Variants in ARSJ observed in about 807,000 individuals in gnomAD.
The protein encoded by ARSJ is arylsulfatase family member J, also known as arylsulfatase J.
Under a neutral mutation model 35.9 loss-of-function variants are expected in ARSJ, and 26 were observed. That is an observed-to-expected ratio of 0.72 (90% CI 0.53 to 1.00). The LOEUF (loss-of-function observed/expected upper bound fraction) is 1.00. Among genes scored for constraint, ARSJ ranks in the 50% least tolerant of loss-of-function variants. The probability of loss-of-function intolerance (pLI) is 0.00; values close to 1 mark genes in which losing one functional copy is unlikely to be tolerated. For missense variants in ARSJ, 667 were observed against 723.6 expected (o/e 0.92, Z 0.90); for synonymous variants, 294 against 267.6 (o/e 1.10, Z -0.96).
chr4:113,911,030 A>T (rs1363054711), intron 1 of ARSJ, among the ~76,000 whole-genome samples: 1 of 152,182 alleles, frequency 6.6e-6, no homozygotes, highest in Non-Finnish European at 1.5e-5. Flanking sequence ...CAAGCAGCTG[A>T]AACGACTTGG....
chr4:113,905,971 T>C (rs936347134), intron 1 of ARSJ, among the ~76,000 whole-genome samples: 30 of 152,124 alleles, frequency 2.0e-4, no homozygotes, highest in African/African-American at 7.2e-4. Context: ...TAATTTTTGG[T>C]CCAGTCCAGG....
intron 1 of ARSJ, among the ~76,000 whole-genome samples, chr4:113,944,697 A>T (rs1725364564): frequency 6.6e-6 from 1 of 151,944 alleles, no homozygotes; most frequent in South Asian, 2.1e-4. Context: ...TAGGTGTAGA[A>T]GTTAAGTGGT....
chr4:113,924,074 T>TATATAA (rs1723881818), intron 1 of ARSJ, among the ~76,000 whole-genome samples: 1 of 109,310 alleles, frequency 9.1e-6, no homozygotes, highest in Non-Finnish European at 1.8e-5. Context: ...TAAATATATA[T>TATATAA]AAATATATAT....
chr4:113,945,928 A>T (rs1198760117), intron 1 of ARSJ, among the ~76,000 whole-genome samples: 2 of 152,092 alleles, frequency 1.3e-5, no homozygotes, highest in African/African-American at 4.8e-5. Context: ...GGGCTTAAAA[A>T]TGTCAGTTTG....
chr4:113,940,879 A>G (rs1344756920), intron 1 of ARSJ, among the ~76,000 whole-genome samples: 1 of 151,992 alleles, frequency 6.6e-6, no homozygotes. Context: ...ATATATGTTA[A>G]GGCAAATTAC....
intron 1 of ARSJ, among the ~76,000 whole-genome samples, chr4:113,961,054 A>C (rs1336069997): frequency 6.6e-6 from 1 of 152,078 alleles, no homozygotes; most frequent in Non-Finnish European, 1.5e-5. Context: ...GGTAACGTGA[A>C]CTGGGCAGCT....
chr4:113,928,790 C>T (rs757043358), intron 1 of ARSJ, among the ~76,000 whole-genome samples: 3 of 152,138 alleles, frequency 2.0e-5, no homozygotes, highest in Non-Finnish European at 4.4e-5. Context: ...GTGCTTCCCT[C>T]ACAAATCTGT....
chr4:113,903,679 A>C lies in ARSJ; in HGVS notation c.399-4T>G, dbSNP rs756329641. 1.9e-6 allele frequency: 3 copies of C among 1,589,464 alleles called. No individual in the cohort carries two copies. The highest frequency in any genetic ancestry group is 2.6e-6 in the Non-Finnish European group (3 of 1,164,884). On this transcript the variant is annotated splice_region_variant and splice_polypyrimidine_tract_variant and intron_variant, in intron 1 of 1. Coordinates refer to ENST00000315366, the MANE Select transcript of ARSJ (RefSeq NM_024590.4). Reference sequence around the variant, plus strand: ...AAGTCCGGTGTGTATCTGATACCTTAAGAAAAGAGAAAAAAATTGTTATCA... The same window carrying C: ...AAGTCCGGTGTGTATCTGATACCTTCAGAAAAGAGAAAAAAATTGTTATCA...
chr4:113,961,893 CTCTCTGTGTGTGTG>C (rs1346798552), intron 1 of ARSJ, among the ~76,000 whole-genome samples: 19 of 122,464 alleles, frequency 1.6e-4, no homozygotes, highest in Admixed American at 3.3e-4. Context: ...CTCTCTCTCT[CTCTCTGTGTGTGTG>C]TGTGTGTGTG....
chr4:113,971,416 A>AC (rs1727240779), intron 1 of ARSJ, among the ~76,000 whole-genome samples: 3 of 152,226 alleles, frequency 2.0e-5, no homozygotes, highest in Admixed American at 6.5e-5. Context: ...CTAAATAGGA[A>AC]TTCACTTCAA....
intron 1 of ARSJ, among the ~76,000 whole-genome samples, chr4:113,932,091 C>A (rs1724490396): frequency 6.6e-6 from 1 of 151,958 alleles, no homozygotes; most frequent in Non-Finnish European, 1.5e-5. Flanking sequence ...AAATAGACTA[C>A]AAATCAAAGA....
At chr4:113,931,390 C>T (rs1724438957) in intron 1 of ARSJ, among the ~76,000 whole-genome samples, 2 of 151,872 alleles carry the variant, frequency 1.3e-5, no homozygotes, top group African/African-American at 4.8e-5. Context: ...AATGAGATAA[C>T]CAAAACATAA....
At chr4:113,911,841 C>G (rs908915217) in intron 1 of ARSJ, among the ~76,000 whole-genome samples, 11 of 152,082 alleles carry the variant, frequency 7.2e-5, no homozygotes, top group African/African-American at 2.7e-4. Flanking sequence ...AAAAGGGTAA[C>G]TATGTGAGAT....
rs1414673082 is a variant in ARSJ, at chr4:113,902,595, T to C, written c.1479A>G (p.Val493=). ...GGTCGGCTGTGATGTTGAAAAGCCATACACTTTTGCCAGTTGACAAGGTGA... is the reference window on the plus strand; with the variant it reads ...GGTCGGCTGTGATGTTGAAAAGCCACACACTTTTGCCAGTTGACAAGGTGA... ...ERITLSTGKS[V]WLFNITADPY... Residue 493 remains valine (V), a synonymous_variant, in exon 2 of 2, where the codon GTA becomes GTG. Transcript: ENST00000315366. The C allele has an allele frequency of 3.1e-6, 5 of 1,614,050 alleles. No individual in the cohort carries two copies. Among genetic ancestry groups the C allele is most frequent in the African/African-American group, 2.7e-5 (2 of 74,896 alleles).
chr4:113,972,697 C>T (rs1005947207), intron 1 of ARSJ, among the ~76,000 whole-genome samples: 2 of 152,166 alleles, frequency 1.3e-5, no homozygotes, highest in Non-Finnish European at 2.9e-5. Context: ...TTTTTAGACA[C>T]AGGGTCTCAC....
chr4:113,921,115 A>T (rs200768004), intron 1 of ARSJ, among the ~76,000 whole-genome samples: 50 of 141,300 alleles, frequency 3.5e-4, no homozygotes, highest in South Asian at 7.3e-4. Context: ...ACACACACAC[A>T]CACTTTAAAT....
At chr4:113,918,398 AC>A (rs1227894555) in intron 1 of ARSJ, among the ~76,000 whole-genome samples, 2 of 152,286 alleles carry the variant, frequency 1.3e-5, no homozygotes, top group East Asian at 3.9e-4. Context: ...GCTTGTTATT[AC>A]TTTTGAATGA....
intron 1 of ARSJ, among the ~76,000 whole-genome samples, chr4:113,914,677 C>A (rs575617144): frequency 6.6e-6 from 1 of 152,188 alleles, no homozygotes; most frequent in African/African-American, 2.4e-5. Context: ...AAATCCAAGA[C>A]AACTTAGTAG....
Position 113,902,798 on chromosome 4 carries a change from A to G in ARSJ, c.1276T>C (p.Tyr426His). ...CAGGAGCCATTTTTTGCCTTGGTGT[A>G]TATGGGGTCAATGTTATGCAAAATA... The part of the protein sequence containing the change: ...VDILHNIDPI[Y>H]TKAKNGSWAA... Residue 426 changes from tyrosine to histidine, a missense_variant, in exon 2 of 2, where the codon TAC becomes CAC. Coordinates refer to ENST00000315366, the MANE Select transcript of ARSJ (RefSeq NM_024590.4). 1.2e-6 allele frequency: 2 copies of G among 1,614,114 alleles called. No homozygotes were observed. The highest frequency in any genetic ancestry group is 1.1e-5 in the South Asian group (1 of 91,070).
Sources: allele counts gnomAD v4.1 joint callset (sites outside exome capture counted in the v4.1 genomes callset), GRCh38; gene constraint gnomAD v4.1.1; transcripts MANE v1.5; gene names NCBI Gene and HGNC (gene_info 2026-07-23, HGNC 2026-07-21).